Variants in FRMPD4 observed in about 807,000 individuals in gnomAD.
FRMPD4 encodes the protein FERM and PDZ domain-containing protein 4.
Under a neutral mutation model 94.1 loss-of-function variants are expected in FRMPD4, and 22 were observed. That is an observed-to-expected ratio of 0.23 (90% CI 0.17 to 0.33). The LOEUF (loss-of-function observed/expected upper bound fraction) is 0.33, where lower values mean the gene tolerates loss of function less well. Ranked by LOEUF, FRMPD4 falls within the 10% of genes least tolerant of loss-of-function variation. The probability of loss-of-function intolerance (pLI) is 1.00; values close to 1 mark genes in which losing one functional copy is unlikely to be tolerated. For missense variants in FRMPD4, 1,111 were observed against 1,339.9 expected (o/e 0.83, Z 2.67); for synonymous variants, 631 against 548.6 (o/e 1.15, Z -2.10).
At chrX:11,823,711 T>G (rs1010370972) in intron 1 of FRMPD4, among the ~76,000 whole-genome samples, 1 of 112,041 alleles carries the variant, frequency 8.9e-6, no homozygotes, top group Admixed American at 9.5e-5. Flanking sequence ...CAATAAAGCT[T>G]TATTTGCAGA....
At chrX:12,153,966 A>G (rs569804574) in intron 1 of FRMPD4, among the ~76,000 whole-genome samples, 1 of 112,951 alleles carries the variant, frequency 8.9e-6, no homozygotes, top group Admixed American at 9.3e-5. Flanking sequence ...TCATTTATGT[A>G]TTGTCTACAG....
intron 3 of FRMPD4, among the ~76,000 whole-genome samples, chrX:12,060,816 A>G (rs999652455): frequency 8.9e-6 from 1 of 111,808 alleles, no homozygotes; most frequent in Non-Finnish European, 1.9e-5. Flanking sequence ...TCAAGATTAT[A>G]TATGTAATTT....
At chrX:12,388,155 A>G (rs1172429257) in intron 1 of FRMPD4, among the ~76,000 whole-genome samples, 3 of 111,249 alleles carry the variant, frequency 2.7e-5, no homozygotes, top group African/African-American at 9.8e-5. Context: ...TATGTTCTAT[A>G]TCTTGGCAAA....
intron 5 of FRMPD4, among the ~76,000 whole-genome samples, chrX:12,679,169 C>G: frequency 9.0e-6 from 1 of 111,519 alleles, no homozygotes; most frequent in East Asian, 2.8e-4. Flanking sequence ...CTTCCTGGCC[C>G]CAGTAGCATG....
At chrX:12,462,134 A>T (rs143453343) in intron 1 of FRMPD4, among the ~76,000 whole-genome samples, 331 of 112,199 alleles carry the variant, frequency 3.0e-3, no homozygotes, top group Middle Eastern at 9.3e-3. Context: ...TCATTCGCCA[A>T]TGCAAGTCAC....
At chrX:12,511,554 C>T (rs760139804) in intron 2 of FRMPD4, among the ~76,000 whole-genome samples, 3 of 105,778 alleles carry the variant, frequency 2.8e-5, no homozygotes, top group Non-Finnish European at 5.9e-5. Flanking sequence ...AAAAAAAAAA[C>T]AAACTTAAAG....
At chrX:12,403,450 T>C (rs2056630952) in intron 1 of FRMPD4, among the ~76,000 whole-genome samples, 1 of 111,058 alleles carries the variant, frequency 9.0e-6, no homozygotes, top group Admixed American at 9.6e-5. Flanking sequence ...CCCCTCTTTC[T>C]ACTCCACTAA....
intron 1 of FRMPD4, among the ~76,000 whole-genome samples, chrX:12,215,904 A>G (rs1409104140): frequency 8.9e-6 from 1 of 112,229 alleles, no homozygotes; most frequent in Non-Finnish European, 1.9e-5. Context: ...TTATTGGAAC[A>G]CAGCCATTCA....
At chrX:11,896,030 G>A (rs1484053634) in intron 3 of FRMPD4, among the ~76,000 whole-genome samples, 5 of 112,442 alleles carry the variant, frequency 4.4e-5, no homozygotes, top group Non-Finnish European at 3.8e-5. Context: ...GCTGTCCCTT[G>A]TGATACTCTT....
chrX:12,187,020 AT>A lies in FRMPD4; in HGVS notation c.41+48014del. On this transcript the variant is annotated intron_variant, in intron 1 of 16. Transcript: ENST00000675598. ...TTACCTGTATAGAAAATGTGACATA[AT>A]TTTTTCTCCTCTGATCATTGAAAGA... is the stretch of plus-strand genomic sequence containing the variant. Among the ~76,000 whole-genome samples the A allele has an allele frequency of 2.7e-5, 3 of 112,419 alleles. 1 individual carries two copies. The Admixed American group carries it at 2.8e-4, about 11-fold the overall frequency.
intron 1 of FRMPD4, among the ~76,000 whole-genome samples, chrX:12,357,491 G>C (rs747372872): frequency 8.9e-6 from 1 of 111,856 alleles, no homozygotes; most frequent in Non-Finnish European, 1.9e-5. Flanking sequence ...AATCAGATGG[G>C]AATTCACTTT....
intron 3 of FRMPD4, among the ~76,000 whole-genome samples, chrX:11,887,337 G>T (rs1423175718): frequency 9.0e-6 from 1 of 111,411 alleles, no homozygotes; most frequent in Non-Finnish European, 1.9e-5. Context: ...CAATTGTTCT[G>T]AGACACGGCT....
intron 1 of FRMPD4, among the ~76,000 whole-genome samples, chrX:12,171,535 A>G (rs2056223712): frequency 9.0e-6 from 1 of 111,205 alleles, no homozygotes. Flanking sequence ...ATGTGCTTCT[A>G]ACTTGTTCAA....
chrX:12,538,286 G>A (rs2058363314), intron 2 of FRMPD4, among the ~76,000 whole-genome samples: 1 of 111,343 alleles, frequency 9.0e-6, no homozygotes, highest in African/African-American at 3.3e-5. Flanking sequence ...GGGGAGGGGC[G>A]CCCGCCATTG....
intron 2 of FRMPD4, among the ~76,000 whole-genome samples, chrX:12,528,983 T>C (rs1376839202): frequency 8.9e-6 from 1 of 112,643 alleles, no homozygotes; most frequent in African/African-American, 3.2e-5. Flanking sequence ...TATTGCTGCA[T>C]AACAAATTTC....
intron 1 of FRMPD4, among the ~76,000 whole-genome samples, chrX:12,282,009 A>C (rs987782456): frequency 2.7e-5 from 3 of 111,917 alleles, no homozygotes; most frequent in African/African-American, 9.8e-5. Context: ...GCATCTTGTT[A>C]CCTAGGAAGC....
In FRMPD4 at chrX:12,374,930, C is replaced by T. The variant is rs976679072; in HGVS notation, c.42-123750C>T. 3 of 112,413 alleles carry T rather than the reference C, an allele frequency of 2.7e-5. No individual in the cohort carries two copies. In the East Asian group the frequency reaches 8.4e-4, roughly 31 times the overall value. 9.3% of individuals were successfully genotyped at this position (112,413 alleles called of 1,213,427 possible). A position where few individuals can be genotyped will look rare whatever the true frequency, so the allele number is the denominator to read the frequency against. On this transcript the variant is annotated intron_variant, in intron 1 of 16. Coordinates refer to ENST00000675598, the MANE Select transcript of FRMPD4 (RefSeq NM_001368397.1). ...TGCTAAGCCCCTAAAACACAAGGAT[C>T]TTGCCATACTTACCTCTGAATCCTC...
chrX:12,463,703 T>TG (rs1327063382), intron 1 of FRMPD4, among the ~76,000 whole-genome samples: 2 of 99,353 alleles, frequency 2.0e-5, no homozygotes, highest in Non-Finnish European at 4.1e-5. Context: ...TTTTTGTTTT[T>TG]TTTTTTTAAC....
intron 3 of FRMPD4, among the ~76,000 whole-genome samples, chrX:11,942,987 G>C (rs757307592): frequency 8.9e-6 from 1 of 111,971 alleles, no homozygotes; most frequent in Admixed American, 9.5e-5. Context: ...TTTAAAAGGA[G>C]AAAATCAAAG....
Sources: gnomAD v4.1 joint callset for allele counts (sites outside exome capture counted in the v4.1 genomes callset) on GRCh38, gnomAD v4.1.1 for gene constraint, MANE v1.5 for transcripts, NCBI Gene and HGNC (gene_info 2026-07-23, HGNC 2026-07-21) for gene names.